The following IGF2R variants were observed in gnomAD, a reference collection of about 807,000 sequenced individuals.
IGF2R encodes insulin like growth factor 2 receptor, also known as cation-independent mannose-6-phosphate receptor.
In IGF2R, 91 loss-of-function variants were observed where a neutral mutation model predicts 270.6. The ratio of observed to expected loss-of-function variants is 0.34; its 90% CI spans 0.28 to 0.40. The LOEUF is 0.40. Among genes scored for constraint, IGF2R ranks in the 10% least tolerant of loss-of-function variants. The pLI is 1.00. For missense variants in IGF2R, 2,805 were observed against 3,188.3 expected (o/e 0.88, Z 2.90); for synonymous variants, 1,316 against 1,258.9 (o/e 1.05, Z -0.96).
intron 2 of IGF2R, among the ~76,000 whole-genome samples, chr6:160,008,151 G>A (rs1028458554): frequency 6.6e-6 from 1 of 152,336 alleles, no homozygotes; most frequent in South Asian, 2.1e-4. Context: ...ATTCTGGGCT[G>A]TATGTGGCCC....
chr6:159,995,396 A>G (rs541701071), intron 2 of IGF2R, among the ~76,000 whole-genome samples: 8 of 151,896 alleles, frequency 5.3e-5, no homozygotes, highest in Admixed American at 4.6e-4. Context: ...TCACCAATCT[A>G]TATCTTTTAT....
chr6:160,036,260 C>A (rs1777821827), intron 10 of IGF2R, among the ~76,000 whole-genome samples: 1 of 152,148 alleles, frequency 6.6e-6, no homozygotes, highest in Non-Finnish European at 1.5e-5. Flanking sequence ...CTCAGCTTCT[C>A]CATCATTCTC....
At chr6:159,995,760 G>T (rs1784043660) in intron 2 of IGF2R, among the ~76,000 whole-genome samples, 1 of 151,784 alleles carries the variant, frequency 6.6e-6, no homozygotes, top group Non-Finnish European at 1.5e-5. Flanking sequence ...TTGGTTTTTT[G>T]ACTTTCTCTT....
In IGF2R at chr6:160,043,262, C is replaced by T; in HGVS notation, c.1595C>T (p.Pro532Leu). Reference protein sequence around the residue: ...VLQEGKARGCPEDAAVCAVDK... With the variant: ...VLQEGKARGCLEDAAVCAVDK... ...CAGGAAGGCAAGGCACGAGGGTGTCCCGAGGACGCGGCAGTGTGTGCAGTG... is the reference window on the plus strand; with the variant it reads ...CAGGAAGGCAAGGCACGAGGGTGTCTCGAGGACGCGGCAGTGTGTGCAGTG... Residue 532 changes from proline to leucine, a missense_variant, in exon 12 of 48, where the codon CCC (proline) becomes CTC (leucine). Coordinates refer to ENST00000356956, the MANE Select transcript of IGF2R (RefSeq NM_000876.4). 1 of 1,614,142 alleles carries T rather than the reference C, an allele frequency of 6.2e-7. No individual in the cohort carries two copies. The highest frequency in any genetic ancestry group is 8.5e-7 in the Non-Finnish European group (1 of 1,180,016).
chr6:160,054,840 A>G (rs963562257), intron 19 of IGF2R, among the ~76,000 whole-genome samples: 1 of 152,186 alleles, frequency 6.6e-6, no homozygotes, highest in Non-Finnish European at 1.5e-5. Context: ...TATCAACTAA[A>G]TTATTAACAA....
In IGF2R at chr6:160,035,243, G is replaced by T. The variant is rs956109521; in HGVS notation, c.1315+721G>T. Among the ~76,000 whole-genome samples the T allele has an allele frequency of 2.0e-5, 3 of 152,164 alleles. No homozygotes were observed. The East Asian group carries it at 5.8e-4, about 29-fold the overall frequency. On this transcript the variant is annotated intron_variant, in intron 10 of 47. Coordinates refer to ENST00000356956, the MANE Select transcript of IGF2R (RefSeq NM_000876.4). ...ATTCTAGGGCCCATTCTGGTTTCCA[G>T]CCTAAGTGCTGCCCCACCCAGAGGG...
intron 6 of IGF2R, among the ~76,000 whole-genome samples, chr6:160,028,950 T>C (rs1777629114): frequency 6.6e-6 from 1 of 152,172 alleles, no homozygotes; most frequent in African/African-American, 2.4e-5. Context: ...TTCCTTATTC[T>C]AGGACATGAA....
chr6:160,104,086 A>C (rs1779556249), intron 47 of IGF2R, among the ~76,000 whole-genome samples: 1 of 152,158 alleles, frequency 6.6e-6, no homozygotes, highest in South Asian at 2.1e-4. Flanking sequence ...CTTTAAAAAA[A>C]AAACAAAACA....
intron 44 of IGF2R, chr6:160,095,145 T>TTA (rs1250240591): frequency 1.3e-5 from 2 of 152,188 alleles, no homozygotes; most frequent in Non-Finnish European, 2.9e-5. Flanking sequence ...GGGCGTCTCT[T>TTA]GTTAGTGCAG....
intron 1 of IGF2R, among the ~76,000 whole-genome samples, chr6:159,982,633 C>G (rs563349138): frequency 2.6e-5 from 4 of 152,218 alleles, no homozygotes; most frequent in Non-Finnish European, 5.9e-5. Context: ...CTGCCTTTAT[C>G]TTGCTTTATT....
chr6:160,044,707 C>T, intron 13 of IGF2R, 50 bp downstream of exon 13: 1 of 1,443,610 alleles, frequency 6.9e-7, no homozygotes, highest in South Asian at 1.2e-5. Flanking sequence ...GCCAGAGGTC[C>T]TGCATTCTTC....
chr6:160,062,641 C>T, intron 26 of IGF2R, 22 bp downstream of exon 26: 2 of 1,562,908 alleles, frequency 1.3e-6, no homozygotes, highest in Non-Finnish European at 1.8e-6. Context: ...CCTGTCCCTA[C>T]AAGTCATTTT....
chr6:160,001,672 G>A (rs111741029), intron 2 of IGF2R, among the ~76,000 whole-genome samples: 25 of 152,098 alleles, frequency 1.6e-4, no homozygotes, highest in African/African-American at 5.5e-4. Context: ...ATTTTAAATT[G>A]AGGAATCATA....
chr6:160,000,725 G>GTTGTTTT (rs1205013287), intron 2 of IGF2R, among the ~76,000 whole-genome samples: 5 of 116,068 alleles, frequency 4.3e-5, no homozygotes, highest in African/African-American at 1.8e-4. Context: ...TTGGTGTGAG[G>GTTGTTTT]TTGTTTTTTT....
At chr6:159,988,512 C>CAAAAAAA (rs59531292) in intron 1 of IGF2R, among the ~76,000 whole-genome samples, 20 of 50,436 alleles carry the variant, frequency 4.0e-4, no homozygotes, top group East Asian at 8.3e-4. Context: ...GACTCCGTCT[C>CAAAAAAA]AAAAAAAAAA....
rs752492018 is a variant in IGF2R at position 160,105,689 on chromosome 6, A to AGGGCACACACACGTGCGTGC, written c.*607_*626dup. ...TTTCTCTTTTGCTTTCTGTTTCTTA[A>AGGGCACACACACGTGCGTGC]GGGCACACACACGTGCGTGCGAGCA... On this transcript the variant is annotated 3_prime_UTR_variant, in exon 48 of 48. Transcript: ENST00000356956. The AGGGCACACACACGTGCGTGC allele has an allele frequency of 1.3e-5, 2 of 152,540 alleles. No homozygotes were observed. The highest frequency in any genetic ancestry group is 2.1e-4 in the South Asian group (1 of 4,752). The allele number at this position is 152,540 out of a possible 1,614,324, so 9.4% of individuals were successfully genotyped here.
chr6:160,005,663 T>C (rs575324554), intron 2 of IGF2R: 3 of 153,048 alleles, frequency 2.0e-5, no homozygotes, highest in South Asian at 2.0e-4. Flanking sequence ...GGTTACGAGG[T>C]TGGGGGCTTG....
At chr6:160,034,389 A>T (rs373184367) in intron 9 of IGF2R, 30 bp from the exon 10 acceptor site, 1 of 1,416,466 alleles carries the variant, frequency 7.1e-7, no homozygotes, top group Non-Finnish European at 1.0e-6. Context: ...TCTCCCAAAC[A>T]CATTTGTCTG....
chr6:160,006,693 G>A (rs1368163555), intron 2 of IGF2R: 1 of 152,202 alleles, frequency 6.6e-6, no homozygotes, highest in Non-Finnish European at 1.5e-5. Flanking sequence ...AGGTGTATAT[G>A]GGATTGGATC....
Sources: allele counts gnomAD v4.1 joint callset (sites outside exome capture counted in the v4.1 genomes callset), GRCh38; gene constraint gnomAD v4.1.1; transcripts MANE v1.5; gene names NCBI Gene and HGNC (gene_info 2026-07-23, HGNC 2026-07-21).